Variants in NOVA1 observed in about 807,000 individuals in gnomAD.
NOVA1 encodes NOVA alternative splicing regulator 1, also known as RNA-binding protein Nova-1.
A neutral mutation model predicts 38.0 loss-of-function variants in NOVA1; 7 were observed. The observed-to-expected ratio is 0.18, with a 90% confidence interval of 0.10 to 0.35. The LOEUF (loss-of-function observed/expected upper bound fraction) is 0.35, where lower values mean the gene tolerates loss of function less well. Among genes scored for constraint, NOVA1 ranks in the 10% least tolerant of loss-of-function variants. The pLI, the probability that NOVA1 is intolerant of heterozygous loss-of-function variation, is 1.00. For synonymous variants in NOVA1, 270 were observed against 232.5 expected (o/e 1.16, Z -1.47); for missense variants, 460 against 616.0 (o/e 0.75, Z 2.68).
intron 2 of NOVA1, among the ~76,000 whole-genome samples, chr14:26,583,375 G>C (rs1219863500): frequency 2.0e-5 from 3 of 151,466 alleles, no homozygotes; most frequent in Admixed American, 1.3e-4. Context: ...TCAATTTTAA[G>C]GAAATGGGAC....
rs551212502 is a variant in NOVA1, at chr14:26,552,046, T to C, written c.280+43364A>G. Among the ~76,000 whole-genome samples, 3 of 152,174 alleles carry C rather than the reference T, an allele frequency of 2.0e-5. No individual in the cohort carries two copies. The East Asian group carries it at 5.8e-4, about 29-fold the overall frequency. On this transcript the variant is annotated intron_variant, in intron 2 of 4. Coordinates refer to ENST00000539517, the MANE Select transcript of NOVA1 (RefSeq NM_002515.3). ...GAGGAAAAAGACTTGCTAATACATA[T>C]AAATTAATAGCATACAACAACTATA... is the stretch of plus-strand genomic sequence containing the variant.
intron 2 of NOVA1, among the ~76,000 whole-genome samples, chr14:26,520,479 C>A (rs1227786593): frequency 6.6e-6 from 1 of 152,122 alleles, no homozygotes; most frequent in Non-Finnish European, 1.5e-5. Context: ...CAGCACTGCA[C>A]TTGGGGGCCA....
intron 3 of NOVA1, among the ~76,000 whole-genome samples, chr14:26,478,503 T>C (rs1885173192): frequency 6.6e-6 from 1 of 151,990 alleles, no homozygotes; most frequent in Non-Finnish European, 1.5e-5. Flanking sequence ...TATACTTCAG[T>C]GCTTATTCTG....
At chr14:26,492,998 A>G (rs1284199573) in intron 2 of NOVA1, among the ~76,000 whole-genome samples, 5 of 152,074 alleles carry the variant, frequency 3.3e-5, no homozygotes, top group South Asian at 2.1e-4. Context: ...ACATATTTAG[A>G]AAAAAAATGT....
intron 2 of NOVA1, among the ~76,000 whole-genome samples, chr14:26,575,430 T>G (rs906861950): frequency 1.3e-5 from 2 of 152,168 alleles, no homozygotes; most frequent in African/African-American, 4.8e-5. Context: ...TAAGGGATGA[T>G]TTAAGAAATA....
At chr14:26,457,878 C>T (rs1464848822) in intron 4 of NOVA1, among the ~76,000 whole-genome samples, 1 of 152,012 alleles carries the variant, frequency 6.6e-6, no homozygotes, top group Non-Finnish European at 1.5e-5. Flanking sequence ...CTGATGATAC[C>T]ATCCCTGTAT....
chr14:26,458,400 T>A (rs1472428229), intron 4 of NOVA1, among the ~76,000 whole-genome samples: 1 of 152,084 alleles, frequency 6.6e-6, no homozygotes, highest in Non-Finnish European at 1.5e-5. Flanking sequence ...ACAACACTAT[T>A]CAAAATAGCA....
chr14:26,558,699 G>T (rs1891639323), intron 2 of NOVA1, among the ~76,000 whole-genome samples: 1 of 152,030 alleles, frequency 6.6e-6, no homozygotes, highest in Non-Finnish European at 1.5e-5. Flanking sequence ...ATATAGGAAA[G>T]TTATTTTTAA....
At chr14:26,579,367 T>C (rs929386083) in intron 2 of NOVA1, among the ~76,000 whole-genome samples, 4 of 152,174 alleles carry the variant, frequency 2.6e-5, no homozygotes, top group Non-Finnish European at 4.4e-5. Context: ...CGTATTCTTA[T>C]ATATTCAAAG....
At chr14:26,551,882 T>C (rs1179249246) in intron 2 of NOVA1, among the ~76,000 whole-genome samples, 1 of 152,004 alleles carries the variant, frequency 6.6e-6, no homozygotes, top group Non-Finnish European at 1.5e-5. Context: ...AAGAAAAAGA[T>C]TATTCTCACC....
intron 2 of NOVA1, among the ~76,000 whole-genome samples, chr14:26,567,674 T>C (rs1892219268): frequency 6.6e-6 from 1 of 152,152 alleles, no homozygotes; most frequent in Non-Finnish European, 1.5e-5. Flanking sequence ...CCATTTTTCA[T>C]ATAGTTATTC....
In NOVA1 at chr14:26,445,535, AAC is replaced by A. The variant is rs1405886157; in HGVS notation, c.*2422_*2423del. The A allele has an allele frequency of 3.9e-5, 6 of 152,228 alleles. No homozygotes were observed. Among genetic ancestry groups the A allele is most frequent in the African/African-American group, 1.2e-4 (5 of 41,464 alleles). The allele number at this position is 152,228 out of a possible 1,614,324, so 9.4% of individuals were successfully genotyped here. On this transcript the variant is annotated 3_prime_UTR_variant, in exon 5 of 5. Coordinates refer to ENST00000539517, the MANE Select transcript of NOVA1 (RefSeq NM_002515.3). ...CATTTTCAGCAACACTAGCTAATAA[AAC>A]ACACATAATTGTTTAAATGGTTTGG...
chr14:26,549,756 A>C, intron 2 of NOVA1: 1 of 1,288,874 alleles, frequency 7.8e-7, no homozygotes, highest in South Asian at 1.2e-5. Context: ...AGCACCATGT[A>C]CAATTTCTTC....
At chr14:26,468,751 A>G (rs1006549012) in intron 4 of NOVA1, among the ~76,000 whole-genome samples, 1 of 152,200 alleles carries the variant, frequency 6.6e-6, no homozygotes, top group Admixed American at 6.5e-5. Flanking sequence ...AGGGTACTAT[A>G]TATGAGCTAC....
chr14:26,462,827 T>C (rs982149191), intron 4 of NOVA1, among the ~76,000 whole-genome samples: 1 of 152,202 alleles, frequency 6.6e-6, no homozygotes, highest in African/African-American at 2.4e-5. Flanking sequence ...GGAAATTACC[T>C]TCTTTCCCTT....
In NOVA1 at chr14:26,448,275, G is replaced by A; in HGVS notation, c.1208C>T (p.Ser403Phe). 6.2e-7 allele frequency: 1 copy of A among 1,614,198 alleles called. No individual in the cohort carries two copies. The highest frequency in any genetic ancestry group is 8.5e-7 in the Non-Finnish European group (1 of 1,180,030). The change falls in exon 5 of 5, where the codon TCT becomes TTT. Residue 403 changes from serine to phenylalanine, a missense_variant. By Grantham distance (155) the Ser-to-Phe change is radical. Transcript: ENST00000539517. The surrounding 1 kb of genome is among the most constrained non-coding windows in gnomAD (Gnocchi z 5.3). ...AATNGYFGAA[S>F]PLAASAILGT... ...TAGAATGGCACTGGCAGCTAGGGGA[G>A]AAGCAGCTCCAAAATATCCATTGGT... is the stretch of plus-strand genomic sequence containing the variant.
intron 2 of NOVA1, among the ~76,000 whole-genome samples, chr14:26,509,762 C>A (rs1453316867): frequency 6.6e-6 from 1 of 152,142 alleles, no homozygotes; most frequent in East Asian, 1.9e-4. Flanking sequence ...CTCACTGCAA[C>A]CTCTGCCTCC....
At chr14:26,489,832 T>C (rs1409084899) in intron 2 of NOVA1, among the ~76,000 whole-genome samples, 1 of 151,976 alleles carries the variant, frequency 6.6e-6, no homozygotes, top group Non-Finnish European at 1.5e-5. Flanking sequence ...TGATACTCTG[T>C]CTCAATAAAT....
intron 2 of NOVA1, among the ~76,000 whole-genome samples, chr14:26,532,379 C>T (rs1889779684): frequency 6.6e-6 from 1 of 152,120 alleles, no homozygotes; most frequent in Non-Finnish European, 1.5e-5. Context: ...CATGCAAAAT[C>T]AGGGATGAAT....
Sources: allele counts gnomAD v4.1 joint callset (sites outside exome capture counted in the v4.1 genomes callset), GRCh38; gene constraint gnomAD v4.1.1; non-coding constraint Gnocchi (gnomAD v3.1); transcripts MANE v1.5; gene names NCBI Gene and HGNC (gene_info 2026-07-23, HGNC 2026-07-21).